The following ACAP2 variants were observed in gnomAD, a reference collection of about 807,000 sequenced individuals.
ACAP2 encodes the protein arf-GAP with coiled-coil, ANK repeat and PH domain-containing protein 2.
Under a neutral mutation model 115.8 loss-of-function variants are expected in ACAP2, and 39 were observed. That is an observed-to-expected ratio of 0.34 (90% confidence interval 0.26 to 0.44). ACAP2 has a LOEUF of 0.44. ACAP2 is among the 20% of genes least tolerant of loss of function. The pLI, the probability that ACAP2 is intolerant of heterozygous loss-of-function variation, is 1.00. For synonymous variants in ACAP2, 289 were observed against 315.8 expected (o/e 0.92, Z 0.90); for missense variants, 662 against 927.6 (o/e 0.71, Z 3.72).
At chr3:195,304,517 C>T (rs1034956557) in intron 13 of ACAP2, among the ~76,000 whole-genome samples, 1 of 152,142 alleles carries the variant, frequency 6.6e-6, no homozygotes, top group African/African-American at 2.4e-5. Flanking sequence ...GTCGCTGCCC[C>T]CCATCTCCAT....
chr3:195,422,835 A>G (rs1485176092), intron 1 of ACAP2, among the ~76,000 whole-genome samples: 1 of 152,192 alleles, frequency 6.6e-6, no homozygotes, highest in Non-Finnish European at 1.5e-5. Context: ...TTCAAATCCA[A>G]GGCCTCAGAT....
Position 195,429,435 on chromosome 3 carries a change from T to C in ACAP2, c.53+13360A>G, listed in dbSNP as rs557064807. 4.0e-4 allele frequency among the ~76,000 whole-genome samples: 60 copies of C among 148,406 alleles called. No individual in the cohort carries two copies. In the Middle Eastern group the frequency reaches 0.017, roughly 43 times the overall value. On this transcript the variant is annotated intron_variant, in intron 1 of 22. Transcript: ENST00000326793. ...CACAGAAAAACATGGATCAATCTCA[T>C]AGTTAAAATGCTAAGCAAAAGTACC...
At chr3:195,325,864 AAC>A (rs1729762356) in intron 9 of ACAP2, among the ~76,000 whole-genome samples, 1 of 152,332 alleles carries the variant, frequency 6.6e-6, no homozygotes, top group African/African-American at 2.4e-5. Flanking sequence ...AAGTTAACCA[AAC>A]AAAAGTTAAT....
chr3:195,370,835 C>T (rs1733081254), intron 4 of ACAP2, among the ~76,000 whole-genome samples: 1 of 151,776 alleles, frequency 6.6e-6, no homozygotes, highest in African/African-American at 2.4e-5. Flanking sequence ...ACCTGTAATC[C>T]CAGCTACCTG....
In ACAP2 at chr3:195,329,679, G is replaced by GCATCTCT. The variant is rs1730044121; in HGVS notation, c.670-2727_670-2721dup. Among the ~76,000 whole-genome samples, 9 of 152,120 alleles carry GCATCTCT rather than the reference G, an allele frequency of 5.9e-5. 1 individual carries two copies. Among genetic ancestry groups the GCATCTCT allele is most frequent in the Admixed American group, 5.9e-4 (9 of 15,264 alleles). On this transcript the variant is annotated intron_variant, in intron 8 of 22. Transcript: ENST00000326793. ...CTGGGTCCCCAGCTCCATGGAAACAGCATCTCTCACAGAGGTAACAACTTT... is the reference window on the plus strand; with the variant it reads ...CTGGGTCCCCAGCTCCATGGAAACAGCATCTCTCATCTCTCACAGAGGTAACAACTTT...
chr3:195,442,146 T>C (rs2108885359), intron 1 of ACAP2: 1 of 152,578 alleles, frequency 6.6e-6, no homozygotes, highest in South Asian at 2.0e-4. Context: ...AAGCAGGTAG[T>C]CACCAACTAG....
chr3:195,441,425 G>T (rs961385006), intron 1 of ACAP2, among the ~76,000 whole-genome samples: 2 of 152,132 alleles, frequency 1.3e-5, no homozygotes, highest in Non-Finnish European at 2.9e-5. Context: ...AAGGAAGTGG[G>T]TTTTTTTAAA....
At chr3:195,314,373 T>G (rs1047524351) in intron 10 of ACAP2, among the ~76,000 whole-genome samples, 18 of 152,144 alleles carry the variant, frequency 1.2e-4, no homozygotes, top group African/African-American at 4.1e-4. Flanking sequence ...GTTCAAGTGA[T>G]TCTCCTGCCT....
intron 1 of ACAP2, among the ~76,000 whole-genome samples, chr3:195,438,295 T>G (rs112293579): frequency 6.6e-6 from 1 of 151,676 alleles, no homozygotes; most frequent in Non-Finnish European, 1.5e-5. Flanking sequence ...CCCAAAGTGC[T>G]AGGATTACAG....
At chr3:195,392,001 A>G in intron 2 of ACAP2, 89 bp downstream of exon 2, 1 of 1,092,348 alleles carries the variant, frequency 9.2e-7, no homozygotes, top group Non-Finnish European at 1.3e-6. Context: ...TCTCCAAAAA[A>G]TAAAAAAGAG....
chr3:195,420,603 A>C (rs535475271), intron 1 of ACAP2, among the ~76,000 whole-genome samples: 135 of 151,894 alleles, frequency 8.9e-4, no homozygotes, highest in Non-Finnish European at 1.7e-3. Context: ...TCGGCCTCCC[A>C]AAGTGCTGGA....
At chr3:195,351,607 G>A (rs958401573) in intron 4 of ACAP2, among the ~76,000 whole-genome samples, 4 of 151,466 alleles carry the variant, frequency 2.6e-5, no homozygotes, top group Non-Finnish European at 2.9e-5. Flanking sequence ...GACCACAGGC[G>A]CCCCCCACCA....
At chr3:195,436,902 A>G (rs1460957374) in intron 1 of ACAP2, among the ~76,000 whole-genome samples, 1 of 152,218 alleles carries the variant, frequency 6.6e-6, no homozygotes, top group African/African-American at 2.4e-5. Context: ...ACCCAGTTGC[A>G]TTACATGAAA....
At chr3:195,401,696 C>T (rs751747205) in intron 1 of ACAP2, among the ~76,000 whole-genome samples, 3 of 151,970 alleles carry the variant, frequency 2.0e-5, no homozygotes, top group Non-Finnish European at 4.4e-5. Context: ...AGAACAGTAA[C>T]GTGAAATATG....
chr3:195,431,404 C>T (rs192814849), intron 1 of ACAP2, among the ~76,000 whole-genome samples: 2 of 152,024 alleles, frequency 1.3e-5, no homozygotes, highest in African/African-American at 4.8e-5. Flanking sequence ...AGTGGAATGG[C>T]TCGCTAGAAC....
At chr3:195,394,380 C>A (rs1711569800) in intron 1 of ACAP2, among the ~76,000 whole-genome samples, 1 of 152,224 alleles carries the variant, frequency 6.6e-6, no homozygotes, top group Admixed American at 6.5e-5. Context: ...TTCTTTCAAG[C>A]AAATTAGTTG....
chr3:195,280,820 T>G lies in ACAP2; in HGVS notation c.2237-1392A>C, dbSNP rs532296845. ...CTGCTAAACATTAGCCTTATACAAA[T>G]GCTTGGCATAATTCTGTTCTCAAGA... On this transcript the variant is annotated intron_variant, in intron 22 of 22. Coordinates refer to ENST00000326793, the MANE Select transcript of ACAP2 (RefSeq NM_012287.6). 5 of 152,344 alleles carry G rather than the reference T, an allele frequency of 3.3e-5. 1 individual carries two copies. In the South Asian group the frequency reaches 1.0e-3, roughly 32 times the overall value. 9.4% of individuals were successfully genotyped at this position (152,344 alleles called of 1,614,324 possible). A position where few individuals can be genotyped will look rare whatever the true frequency, so the allele number is the denominator to read the frequency against.
intron 13 of ACAP2, among the ~76,000 whole-genome samples, chr3:195,303,918 T>G (rs545553160): frequency 6.6e-6 from 1 of 152,216 alleles, no homozygotes; most frequent in African/African-American, 2.4e-5. Context: ...TCTCAGCACT[T>G]TGGGAAGCCG....
chr3:195,331,538 C>A (rs1730166679), intron 8 of ACAP2, among the ~76,000 whole-genome samples: 2 of 152,054 alleles, frequency 1.3e-5, no homozygotes, highest in African/African-American at 2.4e-5. Flanking sequence ...GTCTCAAACT[C>A]CTGGCCTCAT....
Sources: allele counts gnomAD v4.1 joint callset (sites outside exome capture counted in the v4.1 genomes callset), GRCh38; gene constraint gnomAD v4.1.1; transcripts MANE v1.5; gene names NCBI Gene and HGNC (gene_info 2026-07-23, HGNC 2026-07-21).